RNASEH2B: variants seen among roughly 807,000 people sequenced by gnomAD.
The protein encoded by RNASEH2B is Aicardi-Goutieres syndrome 2 protein.
Under a neutral mutation model 45.0 loss-of-function variants are expected in RNASEH2B, and 36 were observed. The observed-to-expected ratio is 0.80, with a 90% CI of 0.61 to 1.06. The LOEUF (loss-of-function observed/expected upper bound fraction) is 1.06, where lower values mean the gene tolerates loss of function less well. Among genes scored for constraint, RNASEH2B ranks in the 50% least tolerant of loss-of-function variants. The pLI, the probability that RNASEH2B is intolerant of heterozygous loss-of-function variation, is 0.00. For missense variants in RNASEH2B, 361 were observed against 360.3 expected (o/e 1.00, Z -0.02); for synonymous variants, 119 against 125.7 (o/e 0.95, Z 0.35).
chr13:50,926,681 T>C (rs1207664621), intron 1 of RNASEH2B, among the ~76,000 whole-genome samples: 3 of 152,068 alleles, frequency 2.0e-5, no homozygotes. Context: ...TAAGAAAAGG[T>C]CTTTCTAAGT....
rs768290667 is a variant in RNASEH2B, at chr13:50,956,328, A to C, written c.823-30A>C. 61 of 1,525,594 alleles carry C rather than the reference A, an allele frequency of 4.0e-5. 1 individual carries two copies. The highest frequency in any genetic ancestry group is 4.9e-5 in the Non-Finnish European group (55 of 1,112,992). 94.5% of individuals were successfully genotyped at this position (1,525,594 alleles called of 1,614,324 possible). Reference sequence around the variant, plus strand: ...ATGATTAATAAATGTTACATTCATAACAATTTTTCTCTCTTATTTTCATTA... The same window carrying C: ...ATGATTAATAAATGTTACATTCATACCAATTTTTCTCTCTTATTTTCATTA... On this transcript the variant is annotated intron_variant, in intron 10 of 10. Transcript: ENST00000336617.
At chr13:50,935,239 G>C (rs2137953816) in intron 5 of RNASEH2B, 1 of 516,232 alleles carries the variant, frequency 1.9e-6, no homozygotes, top group East Asian at 3.3e-5. Context: ...ACAAGGTGTG[G>C]CTTCAGTCTC....
chr13:50,960,168 T>G (rs1310525976), downstream of RNASEH2B: 7 of 1,142,868 alleles, frequency 6.1e-6, no homozygotes, highest in Non-Finnish European at 7.7e-6. Flanking sequence ...CTGGTCATTT[T>G]GTGGTAAAGT....
Position 50,967,458 on chromosome 13 carries a change from T to A in RNASEH2B, c.742-2474T>A, listed in dbSNP as rs1593488245. Among the ~76,000 whole-genome samples the A allele has an allele frequency of 2.0e-5, 3 of 152,212 alleles. No homozygotes were observed. In the East Asian group the frequency reaches 5.8e-4, roughly 29 times the overall value. On this transcript the variant is annotated intron_variant, in intron 9 of 9. Coordinates refer to the RNASEH2B transcript ENST00000422660. The stretch of plus-strand genomic sequence containing the variant: ...ATTTTTAAAGCAACTTTGACATGAA[T>A]TTATGTGTTTAATCTTTCCAGGAGC...
chr13:50,954,192 C>T (rs1566090792), intron 10 of RNASEH2B: 8 of 625,736 alleles, frequency 1.3e-5, no homozygotes, highest in Admixed American at 5.2e-5. Context: ...CAGAGAAAAA[C>T]AATATACTAC....
At chr13:50,963,506 T>C (rs1952134093) in intron 9 of RNASEH2B, among the ~76,000 whole-genome samples, 1 of 152,192 alleles carries the variant, frequency 6.6e-6, no homozygotes. Context: ...CATTTGGTTC[T>C]TCTTTATGTC....
rs924368210 is a variant in RNASEH2B at position 50,948,017 on chromosome 13, T to C, written c.647T>C (p.Ile216Thr). The change falls in exon 8 of 11, where the codon ATA becomes ACA. Residue 216 changes from isoleucine to threonine, a missense_variant. Ile to Thr is a moderately conservative substitution (Grantham distance 89, BLOSUM62 -1). Coordinates refer to ENST00000336617, the MANE Select transcript of RNASEH2B (RefSeq NM_024570.4). Reference sequence around the variant, plus strand: ...TATATTCGTTATGCCCATGGTCTGATATCTGACTACATCCCTAAAGAATTA... The same window carrying C: ...TATATTCGTTATGCCCATGGTCTGACATCTGACTACATCCCTAAAGAATTA... ...EDYIRYAHGLISDYIPKELSD... is the reference protein window; with the variant it reads ...EDYIRYAHGLTSDYIPKELSD... The C allele has an allele frequency of 1.9e-6, 3 of 1,611,496 alleles. No individual in the cohort carries two copies. The African/African-American group carries it at 4.0e-5, about 21-fold the overall frequency.
chr13:50,947,785 C>A (rs1438324884), intron 7 of RNASEH2B, among the ~76,000 whole-genome samples: 1 of 151,982 alleles, frequency 6.6e-6, no homozygotes, highest in Non-Finnish European at 1.5e-5. Context: ...CATGTCATAT[C>A]TCATCCCTCA....
At chr13:50,915,916 G>A (rs111472852) in intron 1 of RNASEH2B, among the ~76,000 whole-genome samples, 19 of 152,228 alleles carry the variant, frequency 1.2e-4, no homozygotes, top group African/African-American at 4.3e-4. Context: ...TGCATGATTG[G>A]CTACCTTTGC....
chr13:50,935,299 C>T, intron 5 of RNASEH2B: 1 of 403,290 alleles, frequency 2.5e-6, no homozygotes, highest in Non-Finnish European at 4.6e-6. Context: ...ACTCAGCTGC[C>T]TTCTGCCTCA....
intron 6 of RNASEH2B, among the ~76,000 whole-genome samples, chr13:50,943,843 T>C (rs965813481): frequency 6.6e-6 from 1 of 152,188 alleles, no homozygotes; most frequent in African/African-American, 2.4e-5. Flanking sequence ...GTCTGGACAC[T>C]GATGAGGGGT....
rs1163774369 is a variant in RNASEH2B at position 50,929,461 on chromosome 13, AT to A, written c.137-11del. 3.2e-6 allele frequency: 5 copies of A among 1,556,660 alleles called. No homozygotes were observed. Among genetic ancestry groups the A allele is most frequent in the Non-Finnish European group, 3.5e-6 (4 of 1,128,164 alleles). ...GTGAAAACTTACAAATAAAAGACAG[AT>A]TTGTCTTAACAGGAGAAGGAGCCAT... is the stretch of plus-strand genomic sequence containing the variant. On this transcript the variant is annotated splice_polypyrimidine_tract_variant and intron_variant, in intron 2 of 10. Coordinates refer to ENST00000336617, the MANE Select transcript of RNASEH2B (RefSeq NM_024570.4).
intron 5 of RNASEH2B, chr13:50,936,905 G>A (rs536802417): frequency 6.6e-6 from 1 of 152,252 alleles, no homozygotes; most frequent in South Asian, 2.1e-4. Flanking sequence ...ATCTGAACTT[G>A]TCTTAGTCTC....
intron 9 of RNASEH2B, among the ~76,000 whole-genome samples, chr13:50,963,967 G>T (rs1026767436): frequency 5.9e-5 from 9 of 152,206 alleles, no homozygotes; most frequent in Non-Finnish European, 1.3e-4. Flanking sequence ...GGAGGCCAGG[G>T]CGGGCAGATC....
Position 50,935,002 on chromosome 13 carries a change from A to T in RNASEH2B, c.436+3A>T. On this transcript the variant is annotated splice_donor_region_variant and intron_variant, in intron 5 of 10. Transcript: ENST00000336617. ...TCATCATGTGACAGAGGAAAAAGGTATGGTATAACTTAAAGGCTTATGGCT... is the reference window on the plus strand; with the variant it reads ...TCATCATGTGACAGAGGAAAAAGGTTTGGTATAACTTAAAGGCTTATGGCT... The T allele has an allele frequency of 6.3e-7, 1 of 1,592,970 alleles. No homozygotes were observed. Among genetic ancestry groups the T allele is most frequent in the South Asian group, 1.1e-5 (1 of 90,584 alleles).
intron 1 of RNASEH2B, 77 bp downstream of exon 1, chr13:50,910,217 C>G (rs966630128): frequency 1.6e-5 from 18 of 1,103,604 alleles, no homozygotes; most frequent in East Asian, 3.2e-5. Context: ...GCGCCGCCCC[C>G]CACCCCGGTG....
chr13:50,967,160 A>C (rs943184578), intron 9 of RNASEH2B, among the ~76,000 whole-genome samples: 5 of 152,116 alleles, frequency 3.3e-5, no homozygotes, highest in Admixed American at 2.6e-4. Context: ...CCTGGGAGGA[A>C]AGTGCTTTTA....
intron 1 of RNASEH2B, among the ~76,000 whole-genome samples, chr13:50,914,259 A>G (rs1241959168): frequency 6.6e-6 from 1 of 152,204 alleles, no homozygotes; most frequent in African/African-American, 2.4e-5. Context: ...CAGAAGAAAA[A>G]GTTAAGCAGG....
intron 10 of RNASEH2B, 133 bp from the exon 11 acceptor site, chr13:50,956,225 C>T (rs1952045771): frequency 1.4e-6 from 1 of 726,506 alleles, no homozygotes. Flanking sequence ...TTTTCACTCC[C>T]TTATGAAGCA....
Sources: allele counts gnomAD v4.1 joint callset (sites outside exome capture counted in the v4.1 genomes callset), GRCh38; gene constraint gnomAD v4.1.1; transcripts MANE v1.5; gene names NCBI Gene and HGNC (gene_info 2026-07-23, HGNC 2026-07-21).